Variants in COL24A1 observed in about 807,000 individuals in gnomAD.
COL24A1 encodes the protein collagen type XXIV alpha 1 chain.
COL24A1 carries 224 observed loss-of-function variants against 253.9 expected under a neutral mutation model. The observed-to-expected ratio is 0.88, with a 90% CI of 0.79 to 0.99. The LOEUF is 0.99. COL24A1 is among the 50% of genes least tolerant of loss of function. COL24A1 has a pLI of 0.00. For synonymous variants in COL24A1, 685 were observed against 673.7 expected, an observed-to-expected ratio of 1.02 and a Z score of -0.26; for missense variants, 2,131 against 2,068.5, an observed-to-expected ratio of 1.03 and a Z score of -0.59.
chr1:86,105,705 C>T (rs1002785462), intron 5 of COL24A1, among the ~76,000 whole-genome samples: 1 of 152,206 alleles, frequency 6.6e-6, no homozygotes, highest in Non-Finnish European at 1.5e-5. Flanking sequence ...TCCACACTGG[C>T]TGAGTGCTGC....
chr1:85,995,211 G>A (rs868055204), intron 19 of COL24A1, among the ~76,000 whole-genome samples: 11 of 152,158 alleles, frequency 7.2e-5, no homozygotes, highest in Middle Eastern at 6.8e-3. Context: ...GAGTACAGTG[G>A]CATGATCACA....
At chr1:85,812,104 C>CT (rs34442323) in intron 47 of COL24A1, among the ~76,000 whole-genome samples, 70,025 of 152,012 alleles carry the variant, frequency 0.46, 16,411 homozygotes, top group East Asian at 0.58. Context: ...GCTACGCTCT[C>CT]GTTCTCTGTT....
intron 24 of COL24A1, among the ~76,000 whole-genome samples, chr1:85,928,052 C>T (rs1687508415): frequency 2.5e-5 from 1 of 40,308 alleles, no homozygotes; most frequent in African/African-American, 1.0e-4. Context: ...AACGCAGTTC[C>T]TCACCAGCAA....
intron 47 of COL24A1, among the ~76,000 whole-genome samples, chr1:85,813,530 GTCTTTTTTTTTTTTTTTTTT>G (rs1199921911): frequency 1.6e-4 from 17 of 105,974 alleles, no homozygotes; most frequent in Non-Finnish European, 2.7e-4. Flanking sequence ...TCTCATTCAG[GTCTTTTTTTTTTTTTTTTTT>G]TTTTTTTTTT....
intron 32 of COL24A1, among the ~76,000 whole-genome samples, chr1:85,881,803 T>C (rs527353948): frequency 1.3e-5 from 2 of 152,308 alleles, no homozygotes; most frequent in Admixed American, 1.3e-4. Flanking sequence ...TTTGGTTGCA[T>C]TGATGTTCTC....
rs1215356250 is a variant in COL24A1, at chr1:85,990,595, C to T, written c.2311-2941G>A. On this transcript the variant is annotated intron_variant, in intron 19 of 59. Coordinates refer to ENST00000370571, the MANE Select transcript of COL24A1 (RefSeq NM_152890.7). ...CAGGTCACAAACCAGTACAGGTCCACAGCCCAGGTGTTAGGGGCCCCTGCA... is the reference window on the plus strand; with the variant it reads ...CAGGTCACAAACCAGTACAGGTCCATAGCCCAGGTGTTAGGGGCCCCTGCA... Among the ~76,000 whole-genome samples, 7 of 152,328 alleles carry T rather than the reference C, an allele frequency of 4.6e-5. No homozygotes were observed. In the South Asian group the frequency reaches 1.0e-3, roughly 23 times the overall value.
In COL24A1 at chr1:85,783,527, A is replaced by G; in HGVS notation, c.4253T>C (p.Ile1418Thr). ...GPEGDAGIVGISGPKGPIGHR... is the reference protein window; with the variant it reads ...GPEGDAGIVGTSGPKGPIGHR... ...TCCAATAGGACCTTTAGGACCTGAT[A>G]TCCCAACAATGCCAGCATCCCCTTC... Residue 1418 changes from isoleucine (I) to threonine (T), a missense_variant, in exon 51 of 60, where the codon ATA (isoleucine) becomes ACA (threonine). Physicochemically the swap from Ile to Thr is moderately conservative, Grantham distance 89 (BLOSUM62 -1). Transcript: ENST00000370571. The G allele has an allele frequency of 6.2e-7, 1 of 1,613,542 alleles. No homozygotes were observed. Among genetic ancestry groups the G allele is most frequent in the South Asian group, 1.1e-5 (1 of 91,062 alleles).
intron 31 of COL24A1, among the ~76,000 whole-genome samples, chr1:85,894,860 C>A (rs916254299): frequency 2.0e-5 from 3 of 152,084 alleles, no homozygotes; most frequent in African/African-American, 7.2e-5. Context: ...GGGCAGGGGG[C>A]AGCAGATTTC....
intron 52 of COL24A1, 98 bp downstream of exon 52, chr1:85,781,122 T>G: frequency 1.1e-6 from 1 of 888,908 alleles, no homozygotes; most frequent in Non-Finnish European, 1.7e-6. Context: ...TTTTTCCATT[T>G]TCTTCTCAAA....
chr1:86,017,084 T>C (rs1280726833), intron 19 of COL24A1, 67 bp downstream of exon 19: 2 of 1,396,396 alleles, frequency 1.4e-6, no homozygotes, highest in East Asian at 2.5e-5. Context: ...TTGAAACATG[T>C]TTTATCAAAC....
chr1:86,131,775 G>T (rs1009533690), intron 2 of COL24A1, among the ~76,000 whole-genome samples: 8 of 151,986 alleles, frequency 5.3e-5, no homozygotes, highest in African/African-American at 1.9e-4. Context: ...TGAACATTTG[G>T]GTTGGTTCCA....
Position 86,103,176 on chromosome 1 carries a change from G to C in COL24A1, c.1599+9391C>G, listed in dbSNP as rs143179092. Among the ~76,000 whole-genome samples the C allele has an allele frequency of 4.1e-4, 62 of 152,198 alleles. No homozygotes were observed. In the East Asian group the frequency reaches 0.012, roughly 29 times the overall value. On this transcript the variant is annotated intron_variant, in intron 5 of 59. Transcript: ENST00000370571. Reference sequence around the variant, plus strand: ...TTTGATATTTGCTGGCTTAAAGTCTGTTTTGTCCAAAATTGGGATTGCAAC... The same window carrying C: ...TTTGATATTTGCTGGCTTAAAGTCTCTTTTGTCCAAAATTGGGATTGCAAC...
At chr1:85,972,684 G>A (rs1692292293) in intron 20 of COL24A1, among the ~76,000 whole-genome samples, 4 of 150,878 alleles carry the variant, frequency 2.7e-5, no homozygotes, top group Admixed American at 1.3e-4. Flanking sequence ...GACTGTAACT[G>A]TGAACATGTG....
chr1:86,148,501 C>G (rs28429481), intron 1 of COL24A1, among the ~76,000 whole-genome samples: 1 of 147,974 alleles, frequency 6.8e-6, no homozygotes, highest in African/African-American at 2.5e-5. Flanking sequence ...CCTCCCCCTT[C>G]CCCCCACCCC....
At chr1:85,842,495 C>T in intron 39 of COL24A1, 102 bp from the exon 40 acceptor site, 1 of 828,280 alleles carries the variant, frequency 1.2e-6, no homozygotes. Flanking sequence ...TTAGATTTTT[C>T]ATGGTTGAAA....
chr1:85,855,560 C>A (rs916266952), intron 37 of COL24A1, among the ~76,000 whole-genome samples: 2 of 152,134 alleles, frequency 1.3e-5, no homozygotes, highest in African/African-American at 4.8e-5. Context: ...AGGAATAAAG[C>A]CTACTTGATC....
chr1:86,052,572 G>T lies in COL24A1; in HGVS notation c.1852-2395C>A, dbSNP rs111332126. On this transcript the variant is annotated intron_variant, in intron 10 of 59. Coordinates refer to ENST00000370571, the MANE Select transcript of COL24A1 (RefSeq NM_152890.7). ...AGAAAGTAGAATGGTGGTTGCCAGGGACTGGGAGTGGAGAACGGGGAATTG... is the reference window on the plus strand; with the variant it reads ...AGAAAGTAGAATGGTGGTTGCCAGGTACTGGGAGTGGAGAACGGGGAATTG... Among the ~76,000 whole-genome samples the T allele has an allele frequency of 3.4e-3, 511 of 152,146 alleles. 1 individual carries two copies. The highest frequency in any genetic ancestry group is 0.011 in the African/African-American group (475 of 41,540).
At position 85,971,682 on chromosome 1, in the gene COL24A1, G is replaced by C. The variant is rs577457150; in HGVS notation, c.2365-289C>G. On this transcript the variant is annotated intron_variant, in intron 20 of 59. Coordinates refer to ENST00000370571, the MANE Select transcript of COL24A1 (RefSeq NM_152890.7). Reference sequence around the variant, plus strand: ...AAAGTATTTCTAAAACGGAAGCAATGGGTCCAAATGTTAAACTGATAAGAG... The same window carrying C: ...AAAGTATTTCTAAAACGGAAGCAATCGGTCCAAATGTTAAACTGATAAGAG... Among the ~76,000 whole-genome samples, 87 of 152,244 alleles carry C rather than the reference G, an allele frequency of 5.7e-4. 1 individual carries two copies. The Middle Eastern group carries it at 0.017, about 30-fold the overall frequency.
chr1:86,029,448 T>C (rs1006400016), intron 14 of COL24A1, among the ~76,000 whole-genome samples: 10 of 152,188 alleles, frequency 6.6e-5, no homozygotes, highest in African/African-American at 2.4e-4. Flanking sequence ...AATCTTACCA[T>C]TATGTTAGAG....
Sources: gnomAD v4.1 joint callset for allele counts (sites outside exome capture counted in the v4.1 genomes callset) on GRCh38, gnomAD v4.1.1 for gene constraint, MANE v1.5 for transcripts, NCBI Gene and HGNC (gene_info 2026-07-23, HGNC 2026-07-21) for gene names.